Variants in INSC observed in about 807,000 individuals in gnomAD.
INSC encodes protein inscuteable homolog.
INSC carries 67 observed loss-of-function variants against 58.6 expected under a neutral mutation model. The observed-to-expected ratio is 1.14, with a 90% CI of 0.94 to 1.40. The LOEUF is 1.40. Ranked by LOEUF, INSC falls within the 40% of genes most tolerant of loss-of-function variation. INSC has a pLI of 0.00. For missense variants in INSC, 714 were observed against 692.0 expected (o/e 1.03, Z -0.36); for synonymous variants, 262 against 276.1 (o/e 0.95, Z 0.51).
chr11:15,207,977 G>A (rs1038419847), intron 7 of INSC, among the ~76,000 whole-genome samples: 2 of 152,120 alleles, frequency 1.3e-5, no homozygotes, highest in South Asian at 4.1e-4. Context: ...CTAATCCTAA[G>A]TGTGCCCCCT....
In INSC at chr11:15,246,840, A is replaced by G. The variant is rs1468893625; in HGVS notation, c.*800A>G. 1 of 152,220 alleles carries G rather than the reference A, an allele frequency of 6.6e-6. No homozygotes were observed. Among genetic ancestry groups the G allele is most frequent in the Non-Finnish European group, 1.5e-5 (1 of 68,046 alleles). 9.4% of individuals were successfully genotyped at this position (152,220 alleles called of 1,614,324 possible). ...CCTCCTCAAAAGTATACTTGAAAGC[A>G]GTGGTGTGCTGAAGCCAGCTCATGC... On this transcript the variant is annotated 3_prime_UTR_variant, in exon 13 of 13. Coordinates refer to ENST00000379556, the MANE Select transcript of INSC (RefSeq NM_001042536.3).
chr11:15,113,143 T>TTCTTTCTTTCTTTCTCTCTCTC, upstream of INSC, among the ~76,000 whole-genome samples: 56 of 98,684 alleles, frequency 5.7e-4, no homozygotes, highest in East Asian at 5.3e-3. Context: ...CTTTCTTTCT[T>TTCTTTCTTTCTTTCTCTCTCTC]TCTGTCTCTC....
chr11:15,222,012 G>A (rs976590193), intron 8 of INSC, among the ~76,000 whole-genome samples: 1 of 152,144 alleles, frequency 6.6e-6, no homozygotes, highest in African/African-American at 2.4e-5. Flanking sequence ...TTTTCCTAAA[G>A]TCTCAGTCCT....
At chr11:15,180,276 AAAACAAAC>A (rs150336587) in intron 5 of INSC, among the ~76,000 whole-genome samples, 1 of 151,882 alleles carries the variant, frequency 6.6e-6, no homozygotes, top group Non-Finnish European at 1.5e-5. Flanking sequence ...CAAACAAAAC[AAAACAAAC>A]AAACAAACAA....
At chr11:15,213,213 G>T (rs1304338652) in intron 7 of INSC, among the ~76,000 whole-genome samples, 1 of 151,980 alleles carries the variant, frequency 6.6e-6, no homozygotes, top group Non-Finnish European at 1.5e-5. Context: ...GCCGAGGCGG[G>T]CAGATCACTG....
intron 1 of INSC, among the ~76,000 whole-genome samples, chr11:15,138,398 G>A (rs141850220): frequency 2.0e-5 from 3 of 152,294 alleles, no homozygotes; most frequent in South Asian, 4.1e-4. Context: ...TAAAAAAGCA[G>A]TATCTGCAAA....
chr11:15,134,827 CTTTATTTATTTA>C (rs112337509), intron 1 of INSC, among the ~76,000 whole-genome samples: 170 of 150,916 alleles, frequency 1.1e-3, no homozygotes, highest in African/African-American at 3.9e-3. Context: ...CATCTTCCTC[CTTTATTTATTTA>C]TTTATTTATT....
chr11:15,263,824 T>A, the INSC span, among the ~76,000 whole-genome samples: 3 of 152,136 alleles, frequency 2.0e-5, no homozygotes, highest in Non-Finnish European at 4.4e-5. Context: ...TCCTTGCAGC[T>A]GTAAGACTGA....
At chr11:15,258,663 A>C in the INSC span, among the ~76,000 whole-genome samples, 1 of 152,174 alleles carries the variant, frequency 6.6e-6, no homozygotes, top group Non-Finnish European at 1.5e-5. Flanking sequence ...GGACCCTTTG[A>C]ATACTTCCTG....
intron 12 of INSC, among the ~76,000 whole-genome samples, chr11:15,243,780 C>T (rs940668414): frequency 6.6e-5 from 10 of 151,908 alleles, no homozygotes; most frequent in African/African-American, 1.9e-4. Context: ...TCCTTTCTCT[C>T]CTTCTCTACT....
At chr11:15,232,053 G>C (rs1363016686) in intron 9 of INSC, among the ~76,000 whole-genome samples, 2 of 152,210 alleles carry the variant, frequency 1.3e-5, no homozygotes, top group East Asian at 3.8e-4. Flanking sequence ...GAGGTCCCCT[G>C]CTATCCTTGA....
chr11:15,233,990 A>C (rs879753611), intron 9 of INSC, among the ~76,000 whole-genome samples: 2 of 152,132 alleles, frequency 1.3e-5, no homozygotes, highest in Non-Finnish European at 2.9e-5. Context: ...AACTCCTTCC[A>C]CTGAGCCCAC....
intron 10 of INSC, 54 bp from the exon 11 acceptor site, chr11:15,238,865 T>G: frequency 1.3e-6 from 2 of 1,570,682 alleles, no homozygotes; most frequent in Non-Finnish European, 1.7e-6. Flanking sequence ...GCTGGCCCCA[T>G]GGGGAAGGCT....
intron 10 of INSC, among the ~76,000 whole-genome samples, chr11:15,236,167 C>A (rs1048705995): frequency 6.6e-6 from 1 of 150,778 alleles, no homozygotes; most frequent in African/African-American, 2.4e-5. Flanking sequence ...TATTTGTTTG[C>A]TTTTGTGAGG....
intron 5 of INSC, among the ~76,000 whole-genome samples, chr11:15,187,984 G>A (rs1850034342): frequency 6.6e-6 from 1 of 152,204 alleles, no homozygotes; most frequent in Non-Finnish European, 1.5e-5. Flanking sequence ...AAGCAGGCAT[G>A]GAAAGCCATG....
chr11:15,125,379 T>C (rs190700860), intron 1 of INSC, among the ~76,000 whole-genome samples: 96 of 152,296 alleles, frequency 6.3e-4, no homozygotes, highest in Non-Finnish European at 1.0e-3. Context: ...GCTTTTAATA[T>C]GAGTGGTATA....
At chr11:15,230,245 G>T (rs1056343236) in intron 9 of INSC, among the ~76,000 whole-genome samples, 1 of 151,116 alleles carries the variant, frequency 6.6e-6, no homozygotes, top group East Asian at 1.9e-4. Context: ...AAGAAAAAAG[G>T]TTTAATTGGC....
chr11:15,184,322 C>A, intron 5 of INSC: 1 of 156,386 alleles, frequency 6.4e-6, no homozygotes, highest in South Asian at 1.6e-4. Flanking sequence ...TTTTTTTTTC[C>A]CATAGAGAAT....
At chr11:15,162,347 C>G (rs780472351) in intron 2 of INSC, among the ~76,000 whole-genome samples, 11 of 152,324 alleles carry the variant, frequency 7.2e-5, no homozygotes, top group Middle Eastern at 3.4e-3. Flanking sequence ...GGCCTTTGCA[C>G]TAGGCTCTGA....
Sources: gnomAD v4.1 joint callset for allele counts (sites outside exome capture counted in the v4.1 genomes callset) on GRCh38, gnomAD v4.1.1 for gene constraint, MANE v1.5 for transcripts, NCBI Gene and HGNC (gene_info 2026-07-23, HGNC 2026-07-21) for gene names.